Variants in MPZL1 observed in about 807,000 individuals in gnomAD.
MPZL1 encodes myelin protein zero like 1.
Under a neutral mutation model 29.3 loss-of-function variants are expected in MPZL1, and 16 were observed. The observed-to-expected ratio is 0.55, with a 90% CI of 0.37 to 0.83. The LOEUF (loss-of-function observed/expected upper bound fraction) is 0.83, where lower values mean the gene tolerates loss of function less well. MPZL1 is among the 40% of genes least tolerant of loss of function. The pLI is 0.00. For synonymous variants in MPZL1, 143 were observed against 132.0 expected (o/e 1.08, Z -0.57); for missense variants, 279 against 332.9 (o/e 0.84, Z 1.26).
chr1:167,750,244 A>G (rs765987128), intron 1 of MPZL1, among the ~76,000 whole-genome samples: 8 of 151,310 alleles, frequency 5.3e-5, no homozygotes, highest in Admixed American at 4.0e-4. Flanking sequence ...CTCGTTGCCC[A>G]GGCTGGAGTG....
At position 167,787,843 on chromosome 1, in the gene MPZL1, A is replaced by T. The variant is rs772413635; in HGVS notation, c.732A>T (p.Leu244Phe). ...AGGGCCCAGTCATATATGCACAGTT[A>T]GACCACTCCGGCGGACATCACAGTG... ...SHQGPVIYAQ[L>F]DHSGGHHSDK... Residue 244 changes from leucine to phenylalanine, a missense_variant, in exon 6 of 6, where the codon TTA (leucine) becomes TTT (phenylalanine). By Grantham distance (22) the Leu-to-Phe change is conservative. Coordinates refer to ENST00000359523, the MANE Select transcript of MPZL1 (RefSeq NM_003953.6). The T allele has an allele frequency of 6.2e-7, 1 of 1,613,794 alleles. No homozygotes were observed. Among genetic ancestry groups the T allele is most frequent in the South Asian group, 1.1e-5 (1 of 91,066 alleles).
At chr1:167,749,262 A>T (rs4145462) in intron 1 of MPZL1, among the ~76,000 whole-genome samples, 1 of 152,230 alleles carries the variant, frequency 6.6e-6, no homozygotes, top group Non-Finnish European at 1.5e-5. Flanking sequence ...TTGTTGTACC[A>T]TCTAAGCTAC....
At chr1:167,759,655 A>G (rs892279086) in intron 1 of MPZL1, among the ~76,000 whole-genome samples, 6 of 152,052 alleles carry the variant, frequency 3.9e-5, no homozygotes, top group African/African-American at 1.4e-4. Context: ...TTAAGCAAGG[A>G]TCTTCACTGA....
At chr1:167,781,746 C>T (rs1048227838) in intron 5 of MPZL1, among the ~76,000 whole-genome samples, 1 of 152,106 alleles carries the variant, frequency 6.6e-6, no homozygotes, top group African/African-American at 2.4e-5. Flanking sequence ...AGCTGACATT[C>T]TCATTGTTTC....
At chr1:167,786,847 A>C (rs1661603677) in intron 5 of MPZL1, among the ~76,000 whole-genome samples, 1 of 152,254 alleles carries the variant, frequency 6.6e-6, no homozygotes, top group Non-Finnish European at 1.5e-5. Flanking sequence ...GATTGGGAGA[A>C]AAGTTGACAT....
intron 1 of MPZL1, among the ~76,000 whole-genome samples, chr1:167,732,814 A>C (rs1571134685): frequency 6.6e-6 from 1 of 152,182 alleles, no homozygotes; most frequent in Admixed American, 6.5e-5. Context: ...CGCCATGTTG[A>C]CCAGGCTGGT....
chr1:167,725,833 C>T (rs1406002862), intron 1 of MPZL1, among the ~76,000 whole-genome samples: 2 of 152,062 alleles, frequency 1.3e-5, no homozygotes, highest in East Asian at 3.9e-4. Context: ...TTTGCCAGGT[C>T]TGGAACTCCT....
At chr1:167,732,125 T>G (rs1448558447) in intron 1 of MPZL1, among the ~76,000 whole-genome samples, 1 of 152,228 alleles carries the variant, frequency 6.6e-6, no homozygotes, top group African/African-American at 2.4e-5. Flanking sequence ...ATATATAGTA[T>G]AGGTATTGTA....
At chr1:167,774,966 A>T (rs1468767399) in intron 4 of MPZL1, 2 of 152,220 alleles carry the variant, frequency 1.3e-5, no homozygotes, top group Non-Finnish European at 2.9e-5. Flanking sequence ...TGATTTGTCC[A>T]TGAATATGTC....
At chr1:167,759,601 A>C (rs1293634436) in intron 1 of MPZL1, among the ~76,000 whole-genome samples, 1 of 152,190 alleles carries the variant, frequency 6.6e-6, no homozygotes, top group Admixed American at 6.5e-5. Flanking sequence ...GGCAAAAGTT[A>C]ATTTGGATTT....
At chr1:167,731,857 A>AAT in intron 1 of MPZL1, among the ~76,000 whole-genome samples, 1 of 152,304 alleles carries the variant, frequency 6.6e-6, no homozygotes, top group East Asian at 1.9e-4. Context: ...CATCTCTACA[A>AAT]AGTAAAAATA....
chr1:167,723,928 A>G (rs1472550194), intron 1 of MPZL1, among the ~76,000 whole-genome samples: 1 of 152,236 alleles, frequency 6.6e-6, no homozygotes, highest in Non-Finnish European at 1.5e-5. Flanking sequence ...TTACTCAGCA[A>G]ACATTCACTG....
At chr1:167,734,835 G>C (rs1044514951) in intron 1 of MPZL1, among the ~76,000 whole-genome samples, 3 of 152,102 alleles carry the variant, frequency 2.0e-5, no homozygotes, top group African/African-American at 7.2e-5. Context: ...TGGCAAAAAA[G>C]ACTCATAAGA....
At chr1:167,775,971 C>T in intron 4 of MPZL1, 93 bp from the exon 5 acceptor site, 2 of 752,336 alleles carry the variant, frequency 2.7e-6, no homozygotes, top group South Asian at 5.1e-5. Context: ...TCTGTTGCTT[C>T]ATCTTGCCGT....
chr1:167,737,101 C>T (rs2101753194), intron 1 of MPZL1, among the ~76,000 whole-genome samples: 1 of 152,312 alleles, frequency 6.6e-6, no homozygotes, highest in South Asian at 2.1e-4. Flanking sequence ...TCTAAGCTTC[C>T]TCTATCTCTT....
At chr1:167,779,112 ACT>A (rs1661435399) in intron 5 of MPZL1, among the ~76,000 whole-genome samples, 1 of 152,016 alleles carries the variant, frequency 6.6e-6, no homozygotes, top group South Asian at 2.1e-4. Context: ...ACAGAGCGAG[ACT>A]CTGTCTCAAA....
chr1:167,771,020 A>G (rs565547617), intron 2 of MPZL1, among the ~76,000 whole-genome samples: 30 of 126,878 alleles, frequency 2.4e-4, no homozygotes, highest in Admixed American at 1.3e-3. Context: ...TTTTTTTTTT[A>G]ATTGATCATT....
intron 2 of MPZL1, among the ~76,000 whole-genome samples, chr1:167,769,261 C>A (rs1040458073): frequency 1.3e-5 from 2 of 152,066 alleles, no homozygotes; most frequent in Non-Finnish European, 2.9e-5. Context: ...TTGTTCTGGA[C>A]TTTTTTTATA....
At chr1:167,728,332 A>G (rs900293998) in intron 1 of MPZL1, among the ~76,000 whole-genome samples, 28 of 135,578 alleles carry the variant, frequency 2.1e-4, no homozygotes, top group Non-Finnish European at 4.0e-4. Flanking sequence ...CCCTGCCCAA[A>G]TTTTTTTTCT....
Sources: gnomAD v4.1 joint callset for allele counts (sites outside exome capture counted in the v4.1 genomes callset) on GRCh38, gnomAD v4.1.1 for gene constraint, MANE v1.5 for transcripts, NCBI Gene and HGNC (gene_info 2026-07-23, HGNC 2026-07-21) for gene names.